The following TRMT11 variants were observed in gnomAD, a reference collection of about 807,000 sequenced individuals.
TRMT11 encodes the protein tRNA methyltransferase 11, also known as tRNA (guanine(10)-N(2))-methyltransferase TRMT11.
A neutral mutation model predicts 62.8 loss-of-function variants in TRMT11; 53 were observed. The ratio of observed to expected loss-of-function variants is 0.84; its 90% confidence interval spans 0.68 to 1.06. TRMT11 has a LOEUF of 1.06. TRMT11 is among the 50% of genes least tolerant of loss of function. The pLI is 0.00. For synonymous variants in TRMT11, 188 were observed against 190.3 expected (o/e 0.99, Z 0.10); for missense variants, 556 against 553.4 (o/e 1.00, Z -0.05).
At chr6:126,217,093 A>G in the TRMT11 span, among the ~76,000 whole-genome samples, 2 of 152,138 alleles carry the variant, frequency 1.3e-5, no homozygotes, top group Admixed American at 1.3e-4. Context: ...ATTCTTTTTA[A>G]TTATTTAAAT....
rs753454234 is a variant in TRMT11 at position 126,056,041 on chromosome 6, C to A, written c.*1437+2851C>A. Among the ~76,000 whole-genome samples the A allele has an allele frequency of 3.3e-5, 5 of 152,154 alleles. No individual in the cohort carries two copies. In the East Asian group the frequency reaches 9.6e-4, roughly 29 times the overall value. On this transcript the variant is annotated intron_variant and NMD_transcript_variant, in intron 17 of 22. Coordinates refer to the TRMT11 transcript ENST00000648977. ...CCAATGTGAAGCCATCATTGAAGCACCCATGTGAAACAATGGCAAAAGCAA... is the reference window on the plus strand; with the variant it reads ...CCAATGTGAAGCCATCATTGAAGCAACCATGTGAAACAATGGCAAAAGCAA...
upstream of TRMT11, among the ~76,000 whole-genome samples, chr6:126,174,613 T>C (rs544767517): frequency 6.6e-6 from 1 of 152,376 alleles, no homozygotes; most frequent in Admixed American, 6.5e-5. Context: ...AAATGCTTTC[T>C]GTTTTGTAAA....
At chr6:126,188,270 A>G (rs531265690) in intron 1 of TRMT11, among the ~76,000 whole-genome samples, 1 of 152,158 alleles carries the variant, frequency 6.6e-6, no homozygotes, top group South Asian at 2.1e-4. Flanking sequence ...ATAGATAAAG[A>G]TTTCCTACAA....
intron 17 of TRMT11, among the ~76,000 whole-genome samples, chr6:126,073,115 A>G (rs780790316): frequency 1.6e-4 from 25 of 152,194 alleles, no homozygotes; most frequent in Non-Finnish European, 2.6e-4. Flanking sequence ...TCTAGGAGCA[A>G]CTTTCTAGCA....
chr6:126,240,282 G>A, the TRMT11 span, among the ~76,000 whole-genome samples: 2 of 152,168 alleles, frequency 1.3e-5, no homozygotes, highest in Non-Finnish European at 2.9e-5. Flanking sequence ...GAGGAGAGGT[G>A]CTTTGATTTT....
chr6:126,183,489 T>C (rs1778491413), intron 1 of TRMT11, among the ~76,000 whole-genome samples: 1 of 152,174 alleles, frequency 6.6e-6, no homozygotes, highest in Non-Finnish European at 1.5e-5. Flanking sequence ...TGCAGCTATC[T>C]GAACAGTTGG....
At chr6:126,140,372 A>G (rs999819389) in intron 21 of TRMT11, among the ~76,000 whole-genome samples, 4 of 152,184 alleles carry the variant, frequency 2.6e-5, no homozygotes, top group East Asian at 1.9e-4. Flanking sequence ...TATTAGTGCT[A>G]TATTTGCTTG....
chr6:126,013,870 C>G (rs1257041309), intron 11 of TRMT11, among the ~76,000 whole-genome samples: 5 of 152,164 alleles, frequency 3.3e-5, no homozygotes, highest in Non-Finnish European at 5.9e-5. Flanking sequence ...TTTTATAGCT[C>G]TTTTGCCAGT....
intron 21 of TRMT11, among the ~76,000 whole-genome samples, chr6:126,122,194 G>A (rs1173554204): frequency 6.6e-6 from 1 of 152,044 alleles, no homozygotes; most frequent in Non-Finnish European, 1.5e-5. Context: ...GTGGAACTGG[G>A]AGCCCATTAA....
intron 12 of TRMT11, among the ~76,000 whole-genome samples, chr6:126,024,493 A>C (rs1291273024): frequency 2.6e-5 from 4 of 152,204 alleles, no homozygotes; most frequent in African/African-American, 9.7e-5. Flanking sequence ...CTGTAACCTC[A>C]AACTCCTGGG....
the TRMT11 span, among the ~76,000 whole-genome samples, chr6:126,238,674 G>T: frequency 6.6e-6 from 1 of 152,214 alleles, no homozygotes; most frequent in African/African-American, 2.4e-5. Context: ...GTGCTGAGAA[G>T]AATGTATATT....
At chr6:126,032,658 T>C (rs2128049719) in intron 12 of TRMT11, among the ~76,000 whole-genome samples, 1 of 152,332 alleles carries the variant, frequency 6.6e-6, no homozygotes. Context: ...TATTCTTTTC[T>C]TGCCAGTGTT....
the TRMT11 span, among the ~76,000 whole-genome samples, chr6:126,248,532 G>A: frequency 6.6e-6 from 1 of 152,052 alleles, no homozygotes; most frequent in African/African-American, 2.4e-5. Context: ...CTTTCAGTGA[G>A]TTCCACACCC....
intron 1 of TRMT11, among the ~76,000 whole-genome samples, chr6:125,989,750 T>C (rs1284233633): frequency 6.6e-6 from 1 of 152,228 alleles, no homozygotes; most frequent in Non-Finnish European, 1.5e-5. Flanking sequence ...TTTTACACCC[T>C]CATTTTTCTT....
At chr6:126,006,542 T>C (rs1270910208) in intron 7 of TRMT11, among the ~76,000 whole-genome samples, 1 of 151,744 alleles carries the variant, frequency 6.6e-6, no homozygotes, top group Non-Finnish European at 1.5e-5. Context: ...TTACTTTTGG[T>C]AACGCAAAAA....
At chr6:126,077,032 C>T (rs1183703811) in intron 17 of TRMT11, among the ~76,000 whole-genome samples, 2 of 152,160 alleles carry the variant, frequency 1.3e-5, no homozygotes, top group Non-Finnish European at 2.9e-5. Context: ...AGACATAGAT[C>T]CCACAGCCAG....
intron 1 of TRMT11, among the ~76,000 whole-genome samples, chr6:126,195,906 T>C (rs1778660821): frequency 6.6e-6 from 1 of 152,154 alleles, no homozygotes; most frequent in Non-Finnish European, 1.5e-5. Context: ...TGTCTCTGTG[T>C]GGTTTGCAAG....
At chr6:126,237,294 G>T in the TRMT11 span, among the ~76,000 whole-genome samples, 1 of 152,146 alleles carries the variant, frequency 6.6e-6, no homozygotes, top group Non-Finnish European at 1.5e-5. Context: ...GGGAGGATTT[G>T]CTCTCCTTAA....
intron 17 of TRMT11, among the ~76,000 whole-genome samples, chr6:126,087,884 C>G (rs539748143): frequency 3.4e-4 from 51 of 152,216 alleles, no homozygotes; most frequent in Admixed American, 5.2e-4. Context: ...CCCAGAGATT[C>G]TGACCACTTT....
Sources: allele counts gnomAD v4.1 joint callset (sites outside exome capture counted in the v4.1 genomes callset), GRCh38; gene constraint gnomAD v4.1.1; transcripts MANE v1.5; gene names NCBI Gene and HGNC (gene_info 2026-07-23, HGNC 2026-07-21).